TMPRSS15: variants seen among roughly 807,000 people sequenced by gnomAD.
The protein encoded by TMPRSS15 is transmembrane serine protease 15.
TMPRSS15 carries 128 observed loss-of-function variants against 125.3 expected under a neutral mutation model. The ratio of observed to expected loss-of-function variants is 1.02; its 90% confidence interval spans 0.89 to 1.18. TMPRSS15 has a LOEUF of 1.18. TMPRSS15 is among the 50% of genes most tolerant of loss of function. TMPRSS15 has a pLI of 0.00. For missense variants in TMPRSS15, 1,283 were observed against 1,212.7 expected (o/e 1.06, Z -0.86); for synonymous variants, 446 against 423.2 (o/e 1.05, Z -0.66).
chr21:18,293,149 T>C (rs1395716387), intron 21 of TMPRSS15, among the ~76,000 whole-genome samples: 1 of 152,194 alleles, frequency 6.6e-6, no homozygotes, highest in African/African-American at 2.4e-5. Context: ...ATAAGTGCAA[T>C]CTTTTAATGT....
upstream of TMPRSS15, among the ~76,000 whole-genome samples, chr21:18,403,845 T>C (rs1215714091): frequency 6.6e-6 from 1 of 152,204 alleles, no homozygotes. Context: ...TAAGAAGATA[T>C]AAATGAGTAA....
chr21:18,457,351 C>T (rs1211153306), intron 1 of TMPRSS15, among the ~76,000 whole-genome samples: 1 of 151,968 alleles, frequency 6.6e-6, no homozygotes, highest in African/African-American at 2.4e-5. Flanking sequence ...GAGACACGTA[C>T]GTTTCTCACC....
At chr21:18,273,331 T>C (rs919569446) in intron 24 of TMPRSS15, among the ~76,000 whole-genome samples, 2 of 152,230 alleles carry the variant, frequency 1.3e-5, no homozygotes, top group African/African-American at 4.8e-5. Flanking sequence ...TAATAACGTG[T>C]TCACAATTTT....
chr21:18,341,111 GAGTGC>G lies in TMPRSS15; in HGVS notation c.1564+297_1564+301del, dbSNP rs555342188. On this transcript the variant is annotated intron_variant, in intron 13 of 24. Transcript: ENST00000284885. ...GAGTCTTACTCTGTTGCCCAGGCTG[GAGTGC>G]AGTGACATGATTACAGCTCACAACA... Among the ~76,000 whole-genome samples, 9 of 152,242 alleles carry G rather than the reference GAGTGC, an allele frequency of 5.9e-5. No homozygotes were observed. The East Asian group carries it at 1.7e-3, about 29-fold the overall frequency.
chr21:18,436,986 T>C (rs1439831511), intron 1 of TMPRSS15, among the ~76,000 whole-genome samples: 2 of 140,144 alleles, frequency 1.4e-5, no homozygotes, highest in African/African-American at 5.3e-5. Flanking sequence ...TTAAAGTTCA[T>C]ATGGAACCAA....
upstream of TMPRSS15, among the ~76,000 whole-genome samples, chr21:18,405,671 C>T (rs1029972153): frequency 5.3e-5 from 8 of 152,082 alleles, no homozygotes; most frequent in Non-Finnish European, 1.0e-4. Context: ...CAATACATAG[C>T]GCCGCATTGA....
At chr21:18,454,420 T>C (rs570161420) in intron 1 of TMPRSS15, among the ~76,000 whole-genome samples, 20 of 152,138 alleles carry the variant, frequency 1.3e-4, no homozygotes, top group Admixed American at 9.2e-4. Context: ...AGGATATATA[T>C]AGAGATATAT....
chr21:18,403,426 G>A, intron 1 of TMPRSS15, 52 bp downstream of exon 1: 1 of 1,611,714 alleles, frequency 6.2e-7, no homozygotes, highest in Middle Eastern at 1.7e-4. Context: ...TGACACTAAA[G>A]TGTGTACATT....
intron 20 of TMPRSS15, 76 bp downstream of exon 20, chr21:18,294,527 C>T (rs1447179117): frequency 6.2e-7 from 1 of 1,601,152 alleles, no homozygotes; most frequent in Non-Finnish European, 8.6e-7. Context: ...AACAAAATAA[C>T]TTCAGGTGAC....
chr21:18,415,934 TAAAC>T (rs1470363647), intron 1 of TMPRSS15, among the ~76,000 whole-genome samples: 2 of 151,986 alleles, frequency 1.3e-5, no homozygotes, highest in Non-Finnish European at 2.9e-5. Context: ...TTAGAACTAA[TAAAC>T]AAATTGAGTA....
intron 3 of TMPRSS15, among the ~76,000 whole-genome samples, chr21:18,384,458 T>C (rs2075923778): frequency 6.6e-6 from 1 of 152,180 alleles, no homozygotes; most frequent in African/African-American, 2.4e-5. Context: ...TTCAGCCATA[T>C]AGCCCTAATC....
At chr21:18,422,914 C>T (rs140461104) in intron 1 of TMPRSS15, among the ~76,000 whole-genome samples, 15 of 152,118 alleles carry the variant, frequency 9.9e-5, no homozygotes, top group African/African-American at 2.9e-4. Context: ...GCCAGGGCTC[C>T]CGAATTACTG....
chr21:18,302,397 A>C (rs192664047), intron 18 of TMPRSS15, among the ~76,000 whole-genome samples: 1 of 152,298 alleles, frequency 6.6e-6, no homozygotes, highest in East Asian at 1.9e-4. Flanking sequence ...AAGTAAAGGC[A>C]TGTGGGCAGG....
At chr21:18,427,677 A>G (rs1304813371) in intron 1 of TMPRSS15, among the ~76,000 whole-genome samples, 3 of 152,218 alleles carry the variant, frequency 2.0e-5, no homozygotes, top group African/African-American at 7.2e-5. Context: ...TAAGAAATAT[A>G]CTTATTCAAA....
chr21:18,422,661 G>C (rs921135486), intron 1 of TMPRSS15, among the ~76,000 whole-genome samples: 2 of 152,182 alleles, frequency 1.3e-5, no homozygotes, highest in Non-Finnish European at 2.9e-5. Context: ...GAGGCACAAA[G>C]CATTTAAATA....
At position 18,294,326 on chromosome 21, in the gene TMPRSS15, G is replaced by A. The variant is rs769957633; in HGVS notation, c.2430C>T (p.Cys810=). The A allele has an allele frequency of 5.3e-5, 85 of 1,614,120 alleles. 1 individual carries two copies. The South Asian group carries it at 5.6e-4, about 11-fold the overall frequency. Residue 810 remains cysteine, a synonymous_variant, in exon 21 of 25, where the codon TGC becomes TGT. Transcript: ENST00000284885. The part of the protein sequence containing the change: ...VGLYYGGRLL[C]GASLVSSDWL... ...AGTCACTGCTGACGAGAGATGCGCCGCAGAGCAGTCGGCCGCCATAATACA... is the reference window on the plus strand; with the variant it reads ...AGTCACTGCTGACGAGAGATGCGCCACAGAGCAGTCGGCCGCCATAATACA...
At chr21:18,483,409 T>C (rs1249869797) in intron 1 of TMPRSS15, among the ~76,000 whole-genome samples, 2 of 151,858 alleles carry the variant, frequency 1.3e-5, no homozygotes, top group African/African-American at 2.4e-5. Context: ...GCCCTTTGGT[T>C]CTAACATTAG....
chr21:18,434,708 T>C (rs868034157), intron 1 of TMPRSS15, among the ~76,000 whole-genome samples: 24 of 152,190 alleles, frequency 1.6e-4, no homozygotes, highest in South Asian at 2.1e-4. Flanking sequence ...AGCTATATCA[T>C]TTGATAAACA....
chr21:18,368,239 C>T (rs544409500), intron 6 of TMPRSS15, among the ~76,000 whole-genome samples: 6 of 152,224 alleles, frequency 3.9e-5, no homozygotes, highest in East Asian at 3.9e-4. Context: ...AACAGCTTTG[C>T]GCTGCACAAT....
Sources: allele counts gnomAD v4.1 joint callset (sites outside exome capture counted in the v4.1 genomes callset), GRCh38; gene constraint gnomAD v4.1.1; transcripts MANE v1.5; gene names NCBI Gene and HGNC (gene_info 2026-07-23, HGNC 2026-07-21).